The following NADSYN1 variants were observed in gnomAD, a reference collection of about 807,000 sequenced individuals.
The protein encoded by NADSYN1 is NAD synthetase 1, also known as glutamine-dependent NAD(+) synthetase.
A neutral mutation model predicts 99.3 loss-of-function variants in NADSYN1; 80 were observed. That is an observed-to-expected ratio of 0.81 (90% CI 0.67 to 0.97). The LOEUF (loss-of-function observed/expected upper bound fraction) is 0.97, where lower values mean the gene tolerates loss of function less well. NADSYN1 is among the 50% of genes least tolerant of loss of function. The pLI, the probability that NADSYN1 is intolerant of heterozygous loss-of-function variation, is 0.00. For synonymous variants in NADSYN1, 385 were observed against 372.1 expected (o/e 1.03, Z -0.40); for missense variants, 859 against 948.5 (o/e 0.91, Z 1.24).
intron 18 of NADSYN1, among the ~76,000 whole-genome samples, chr11:71,492,231 C>T (rs1233065417): frequency 4.6e-5 from 7 of 152,158 alleles, no homozygotes; most frequent in African/African-American, 1.4e-4. Flanking sequence ...GAATTGCCCT[C>T]GACTCCTCCA....
At chr11:71,457,810 A>G (rs1949523415) in intron 2 of NADSYN1, among the ~76,000 whole-genome samples, 1 of 152,172 alleles carries the variant, frequency 6.6e-6, no homozygotes, top group Non-Finnish European at 1.5e-5. Context: ...TTTCTCTTAC[A>G]AGGACACTTG....
intron 2 of NADSYN1, among the ~76,000 whole-genome samples, chr11:71,457,702 TC>T (rs1949522788): frequency 6.6e-6 from 1 of 152,194 alleles, no homozygotes; most frequent in Admixed American, 6.5e-5. Context: ...CTTTCCCAGC[TC>T]CTGGTGGTTC....
intron 6 of NADSYN1, 25 bp from the exon 7 acceptor site, chr11:71,473,253 A>T: frequency 6.2e-7 from 1 of 1,606,794 alleles, no homozygotes; most frequent in Non-Finnish European, 8.5e-7. Flanking sequence ...AGTGAATCTC[A>T]TGCACTCTTC....
intron 9 of NADSYN1, chr11:71,476,577 C>A: frequency 1.2e-6 from 1 of 847,642 alleles, no homozygotes; most frequent in Non-Finnish European, 1.4e-6. Flanking sequence ...AAGGGTGTGG[C>A]CGTCTCGACT....
chr11:71,459,038 T>C (rs1565595502), intron 3 of NADSYN1: 1 of 174,550 alleles, frequency 5.7e-6, no homozygotes, highest in Admixed American at 5.8e-5. Flanking sequence ...GTCTGTGCTG[T>C]ACCCTGCATA....
At chr11:71,487,830 C>CAAAAAAAAAAAAAAAAAAAAAAA (rs71049984) in intron 16 of NADSYN1, among the ~76,000 whole-genome samples, 2 of 80,092 alleles carry the variant, frequency 2.5e-5, no homozygotes, top group African/African-American at 4.8e-5. Context: ...GACTCCGTCT[C>CAAAAAAAAAAAAAAAAAAAAAAA]AAAAAAAAAA....
At chr11:71,453,493 TG>T in intron 1 of NADSYN1, 112 bp downstream of exon 1, 1 of 1,007,264 alleles carries the variant, frequency 9.9e-7, no homozygotes, top group Non-Finnish European at 1.5e-6. Context: ...CTCTCGGCCC[TG>T]GGCATGGGAT....
intron 19 of NADSYN1, 106 bp from the exon 20 acceptor site, chr11:71,498,246 G>A (rs1949833634): frequency 1.5e-6 from 2 of 1,310,380 alleles, no homozygotes; most frequent in Non-Finnish European, 2.1e-6. Context: ...GTCCTGTGCG[G>A]GGAGTAACCC....
At chr11:71,479,981 C>T (rs1265405344) in intron 10 of NADSYN1, 1 of 152,246 alleles carries the variant, frequency 6.6e-6, no homozygotes, top group Non-Finnish European at 1.5e-5. Flanking sequence ...CGTGTTCATT[C>T]ACTCTTCCAC....
At chr11:71,468,015 A>ACTCCTG (rs1469541672) in intron 5 of NADSYN1, among the ~76,000 whole-genome samples, 1 of 152,162 alleles carries the variant, frequency 6.6e-6, no homozygotes, top group Non-Finnish European at 1.5e-5. Flanking sequence ...AGCTAGAGCA[A>ACTCCTG]CTCCTGCTTC....
chr11:71,493,763 T>G lies in NADSYN1; in HGVS notation c.1764+1860T>G, dbSNP rs571026010. Among the ~76,000 whole-genome samples the G allele has an allele frequency of 1.0e-3, 158 of 152,356 alleles. 1 individual carries two copies. Among genetic ancestry groups the G allele is most frequent in the Non-Finnish European group, 1.8e-3 (123 of 68,036 alleles). On this transcript the variant is annotated intron_variant, in intron 18 of 20. Transcript: ENST00000319023. The stretch of plus-strand genomic sequence containing the variant: ...TGTGAGCCAGTTGAGTTAATTCTTG[T>G]GTGTGGCAGCTGACAATGTATTTGT...
At chr11:71,487,837 AAAAAAAAAAAAAAG>A (rs1949752474) in intron 16 of NADSYN1, among the ~76,000 whole-genome samples, 1 of 127,168 alleles carries the variant, frequency 7.9e-6, no homozygotes, top group African/African-American at 3.3e-5. Context: ...TCTCAAAAAA[AAAAAAAAAAAAAAG>A]AAAAGAAAAG....
At chr11:71,489,515 C>T (rs1280663427) in intron 16 of NADSYN1, among the ~76,000 whole-genome samples, 1 of 152,160 alleles carries the variant, frequency 6.6e-6, no homozygotes, top group African/African-American at 2.4e-5. Context: ...CGGCGGATTT[C>T]CCCAGTCCTT....
chr11:71,490,200 C>T (rs554127296), intron 16 of NADSYN1, among the ~76,000 whole-genome samples: 1 of 152,286 alleles, frequency 6.6e-6, no homozygotes, highest in South Asian at 2.1e-4. Context: ...ACGCCTCCTC[C>T]GTCTTCACCA....
At chr11:71,496,416 C>T (rs1047834920) in intron 18 of NADSYN1, 1 of 152,258 alleles carries the variant, frequency 6.6e-6, no homozygotes. Context: ...AGCATGCAAC[C>T]TAGATCCCTC....
chr11:71,493,136 C>T (rs1208955905), intron 18 of NADSYN1, among the ~76,000 whole-genome samples: 4 of 152,156 alleles, frequency 2.6e-5, no homozygotes, highest in East Asian at 1.9e-4. Flanking sequence ...TCAAGTAACC[C>T]GCCCGCCTTG....
chr11:71,497,967 C>G (rs944527064), intron 19 of NADSYN1, among the ~76,000 whole-genome samples: 9 of 152,196 alleles, frequency 5.9e-5, no homozygotes, highest in Non-Finnish European at 1.5e-5. Flanking sequence ...CTCCTGGAAG[C>G]CTTGTGAAAT....
At chr11:71,464,867 CAAAAAAAAAAAAAA>C (rs926724365) in intron 5 of NADSYN1, among the ~76,000 whole-genome samples, 474 of 40,532 alleles carry the variant, frequency 0.012, 5 homozygotes, top group African/African-American at 0.037. Flanking sequence ...GACTCTGTCT[CAAAAAAAAAAAAAA>C]AAAAAAAAAA....
At chr11:71,491,023 C>T (rs763201642) in intron 17 of NADSYN1, 47 bp downstream of exon 17, 1 of 1,609,274 alleles carries the variant, frequency 6.2e-7, no homozygotes, top group Middle Eastern at 1.7e-4. Flanking sequence ...GGGCTCCTCT[C>T]CCAGCACGGC....
Sources: allele counts gnomAD v4.1 joint callset (sites outside exome capture counted in the v4.1 genomes callset), GRCh38; gene constraint gnomAD v4.1.1; transcripts MANE v1.5; gene names NCBI Gene and HGNC (gene_info 2026-07-23, HGNC 2026-07-21).